Variants in TNN observed in about 807,000 individuals in gnomAD.
The protein encoded by TNN is tenascin-N.
A neutral mutation model predicts 134.4 loss-of-function variants in TNN; 122 were observed. The ratio of observed to expected loss-of-function variants is 0.91; its 90% confidence interval spans 0.78 to 1.06. The LOEUF (loss-of-function observed/expected upper bound fraction) is 1.06, where lower values mean the gene tolerates loss of function less well. TNN is among the 50% of genes least tolerant of loss of function. TNN has a pLI of 0.00. For missense variants in TNN, 1,739 were observed against 1,699.4 expected, an observed-to-expected ratio of 1.02 and a Z score of -0.41; for synonymous variants, 710 against 670.3, an observed-to-expected ratio of 1.06 and a Z score of -0.91.
chr1:175,131,440 G>T (rs371758399), intron 15 of TNN, among the ~76,000 whole-genome samples: 114 of 149,976 alleles, frequency 7.6e-4, no homozygotes, highest in African/African-American at 2.7e-3. Context: ...TTGTTTGTTT[G>T]TTTTTCTCCC....
At chr1:175,127,178 A>G in intron 13 of TNN, 93 bp downstream of exon 13, 1 of 1,488,398 alleles carries the variant, frequency 6.7e-7, no homozygotes, top group Non-Finnish European at 9.0e-7. Flanking sequence ...GCCTCACGGC[A>G]ACTTGCTGAT....
intron 17 of TNN, among the ~76,000 whole-genome samples, chr1:175,142,550 CG>C (rs1258605560): frequency 6.6e-6 from 1 of 152,122 alleles, no homozygotes; most frequent in African/African-American, 2.4e-5. Flanking sequence ...CATAGGTTGC[CG>C]GGGCCCAACC....
At chr1:175,145,552 CAAAA>C (rs3028580) in intron 18 of TNN, among the ~76,000 whole-genome samples, 5 of 28,910 alleles carry the variant, frequency 1.7e-4, no homozygotes, top group East Asian at 1.0e-3. Flanking sequence ...GACCCTGTCT[CAAAA>C]AAAAAAAAAA....
intron 11 of TNN, 64 bp from the exon 12 acceptor site, chr1:175,123,336 G>A (rs1675423740): frequency 6.5e-7 from 1 of 1,549,942 alleles, no homozygotes; most frequent in African/African-American, 1.4e-5. Context: ...CTGGTGATGA[G>A]GTGGTAAGAT....
chr1:175,128,685 GC>G lies in TNN; in HGVS notation c.3270del (p.Asp1091MetfsTer47), dbSNP rs761541752. 4.3e-6 allele frequency: 7 copies of G among 1,614,032 alleles called. No homozygotes were observed. In the South Asian group the frequency reaches 7.7e-5, roughly 18 times the overall value. ...ASGLYTIYLHGDASRPLQVYC... is the reference protein window; with the variant it reads ...ASGLYTIYLHXDASRPLQVYC... Reference sequence around the variant, plus strand: ...GGTCTGTACACCATCTACCTGCATGGCGATGCCAGCCGGCCCCTGCAGGTGT... The same window carrying G: ...GGTCTGTACACCATCTACCTGCATGGGATGCCAGCCGGCCCCTGCAGGTGT... On this transcript the variant is annotated frameshift_variant, in exon 15 of 19. Transcript: ENST00000239462. LOFTEE classifies it high-confidence loss of function.
rs544829637 is a variant in TNN, at chr1:175,075,015, A to C, written c.-35-2369A>C. 2.0e-5 allele frequency among the ~76,000 whole-genome samples: 3 copies of C among 152,310 alleles called. No homozygotes were observed. In the South Asian group the frequency reaches 6.2e-4, roughly 32 times the overall value. The stretch of plus-strand genomic sequence containing the variant: ...GTGAGGAGAGGAACACTGACCTTAC[A>C]TGGCAGCTCTGGGGATTAATTACGA... On this transcript the variant is annotated intron_variant, in intron 1 of 18. Transcript: ENST00000239462.
chr1:175,127,973 G>C, intron 13 of TNN, 59 bp from the exon 14 acceptor site: 1 of 1,599,012 alleles, frequency 6.3e-7, no homozygotes. Context: ...TTGACACCTA[G>C]GGTGCTAGTG....
intron 18 of TNN, among the ~76,000 whole-genome samples, chr1:175,145,319 G>T (rs1273142375): frequency 6.6e-6 from 1 of 152,016 alleles, no homozygotes. Flanking sequence ...CTGGGAGGCT[G>T]AGGTGAGCTG....
At chr1:175,133,620 G>A (rs1192699290) in intron 15 of TNN, among the ~76,000 whole-genome samples, 4 of 152,194 alleles carry the variant, frequency 2.6e-5, no homozygotes, top group African/African-American at 9.6e-5. Context: ...CATATTGGAT[G>A]TCCTCAAGGC....
intron 10 of TNN, among the ~76,000 whole-genome samples, chr1:175,118,019 A>C (rs1675229462): frequency 6.6e-6 from 1 of 152,226 alleles, no homozygotes; most frequent in Non-Finnish European, 1.5e-5. Flanking sequence ...GGATTCCTTT[A>C]GTAATATATA....
intron 1 of TNN, among the ~76,000 whole-genome samples, chr1:175,069,058 AG>A (rs1673860656): frequency 6.6e-6 from 1 of 152,220 alleles, no homozygotes; most frequent in Non-Finnish European, 1.5e-5. Context: ...TTCACTTAAA[AG>A]CATGAAACCT....
intron 12 of TNN, among the ~76,000 whole-genome samples, chr1:175,126,107 T>TC (rs1353147464): frequency 2.0e-5 from 3 of 148,550 alleles, no homozygotes; most frequent in East Asian, 3.9e-4. Context: ...TTTCTTTCTT[T>TC]TTTTTTTTTT....
chr1:175,109,399 A>G (rs934729059), intron 9 of TNN, among the ~76,000 whole-genome samples: 6 of 151,724 alleles, frequency 4.0e-5, no homozygotes, highest in African/African-American at 1.2e-4. Flanking sequence ...ATCTAACTGT[A>G]TTTTTAAACC....
intron 9 of TNN, among the ~76,000 whole-genome samples, chr1:175,109,711 T>A (rs1674972222): frequency 6.7e-6 from 1 of 149,506 alleles, no homozygotes; most frequent in African/African-American, 2.4e-5. Flanking sequence ...ATTATATATA[T>A]ACACACATAC....
At chr1:175,108,671 C>T (rs1253410604) in intron 9 of TNN, among the ~76,000 whole-genome samples, 1 of 152,234 alleles carries the variant, frequency 6.6e-6, no homozygotes, top group Non-Finnish European at 1.5e-5. Flanking sequence ...GCTGGGGGAC[C>T]CAGTACACCC....
intron 9 of TNN, among the ~76,000 whole-genome samples, chr1:175,109,281 G>A (rs1674957708): frequency 6.7e-6 from 1 of 148,282 alleles, no homozygotes; most frequent in South Asian, 2.2e-4. Flanking sequence ...GTAGAGACGG[G>A]GTTTCACCTT....
At chr1:175,078,465 C>T (rs931202878) in intron 2 of TNN, among the ~76,000 whole-genome samples, 1 of 152,090 alleles carries the variant, frequency 6.6e-6, no homozygotes, top group African/African-American at 2.4e-5. Context: ...CACTTTTAAA[C>T]ATAAACTGCC....
At chr1:175,079,873 G>T (rs11582546) in intron 3 of TNN, among the ~76,000 whole-genome samples, 166 bp downstream of exon 3, 8,789 of 152,234 alleles carry the variant, frequency 0.058, 340 homozygotes, top group Non-Finnish European at 0.093. Flanking sequence ...CTAAGAATTT[G>T]CATTTCTAAC....
At chr1:175,119,912 A>G (rs2097559) in intron 11 of TNN, among the ~76,000 whole-genome samples, 24,166 of 152,172 alleles carry the variant, frequency 0.16, 2,097 homozygotes, top group East Asian at 0.35. Context: ...TGCTGGGATT[A>G]CAGGCATGAG....
Sources: allele counts gnomAD v4.1 joint callset (sites outside exome capture counted in the v4.1 genomes callset), GRCh38; gene constraint gnomAD v4.1.1; transcripts MANE v1.5; gene names NCBI Gene and HGNC (gene_info 2026-07-23, HGNC 2026-07-21).